The following PLXNA1 variants were observed in gnomAD, a reference collection of about 807,000 sequenced individuals.
PLXNA1 encodes the protein plexin A1.
A neutral mutation model predicts 191.7 loss-of-function variants in PLXNA1; 77 were observed. The ratio of observed to expected loss-of-function variants is 0.40; its 90% CI spans 0.33 to 0.49. The LOEUF (loss-of-function observed/expected upper bound fraction) is 0.49, where lower values mean the gene tolerates loss of function less well. Ranked by LOEUF, PLXNA1 falls within the 20% of genes least tolerant of loss-of-function variation. The pLI, the probability that PLXNA1 is intolerant of heterozygous loss-of-function variation, is 0.63. For synonymous variants in PLXNA1, 1,137 were observed against 1,156.4 expected (o/e 0.98, Z 0.34); for missense variants, 2,110 against 2,660.2 (o/e 0.79, Z 4.55).
intron 7 of PLXNA1, 131 bp from the exon 8 acceptor site, chr3:127,005,948 G>A (rs1366612149): frequency 9.5e-6 from 7 of 735,058 alleles, no homozygotes; most frequent in Non-Finnish European, 1.7e-5. Context: ...GAGGGGGCTG[G>A]ATGCGTGTTT....
chr3:127,022,599 G>C (rs1362041607), intron 22 of PLXNA1, among the ~76,000 whole-genome samples, 153 bp from the exon 23 acceptor site: 1 of 148,918 alleles, frequency 6.7e-6, no homozygotes, highest in Admixed American at 6.6e-5. Flanking sequence ...AGCGCCTGCT[G>C]CCCACTCATG....
chr3:126,988,632 G>C lies in PLXNA1; in HGVS notation c.39G>C (p.Leu13=), dbSNP rs752637160. 2 of 1,575,004 alleles carry C rather than the reference G, an allele frequency of 1.3e-6. No homozygotes were observed. The highest frequency in any genetic ancestry group is 1.7e-6 in the Non-Finnish European group (2 of 1,161,032). ...CGCGGAGCCTGCAGGTGCTCCTGCTGCTGCTGCTGTTGCTGCTGCTGCTGC... is the reference window on the plus strand; with the variant it reads ...CGCGGAGCCTGCAGGTGCTCCTGCTCCTGCTGCTGTTGCTGCTGCTGCTGC... ...LPPRSLQVLL[L]LLLLLLLLPG... Residue 13 remains leucine, a synonymous_variant, in exon 2 of 32, where the codon CTG becomes CTC. Coordinates refer to ENST00000393409, the MANE Select transcript of PLXNA1 (RefSeq NM_032242.4).
In PLXNA1 at chr3:127,007,805, G is replaced by C. The variant is rs1189805490; in HGVS notation, c.2004G>C (p.Leu668=). 6.2e-7 allele frequency: 1 copy of C among 1,611,528 alleles called. No individual in the cohort carries two copies. Among genetic ancestry groups the C allele is most frequent in the South Asian group, 1.1e-5 (1 of 90,746 alleles). Residue 668 remains leucine (L), a synonymous_variant, in exon 9 of 32, where the codon CTG becomes CTC. Transcript: ENST00000393409. ...FYNCSVHQSC[L]SCVNGSFPCH... The stretch of plus-strand genomic sequence containing the variant: ...ACCCACCCTCTCCCTGCAGCTGCCT[G>C]TCCTGTGTCAACGGCTCCTTTCCCT...
chr3:126,998,500 G>T (rs1215040490), intron 3 of PLXNA1, among the ~76,000 whole-genome samples: 1 of 152,218 alleles, frequency 6.6e-6, no homozygotes, highest in Non-Finnish European at 1.5e-5. Flanking sequence ...CCGGAGCCCA[G>T]GCAGTGGTAT....
In PLXNA1 at chr3:127,003,407, C is replaced by T. The variant is rs771842647; in HGVS notation, c.1455C>T (p.Pro485=). The stretch of plus-strand genomic sequence containing the variant: ...GCGTCGTGGCCCAGGAGGGCAGCCC[C>T]ATCCTGCGAGACCTCGTCCTCAGCC... ...YESVVAQEGS[P]ILRDLVLSPN... Residue 485 remains proline (P), a synonymous_variant, in exon 4 of 32, where the codon CCC becomes CCT. Transcript: ENST00000393409. The T allele has an allele frequency of 1.1e-5, 18 of 1,611,928 alleles. No homozygotes were observed. Among genetic ancestry groups the T allele is most frequent in the Non-Finnish European group, 1.5e-5 (18 of 1,179,476 alleles).
chr3:127,034,168 G>A lies in PLXNA1; in HGVS notation c.*151G>A, dbSNP rs901883525. On this transcript the variant is annotated 3_prime_UTR_variant, in exon 32 of 32. Transcript: ENST00000393409. The stretch of plus-strand genomic sequence containing the variant: ...GGCCCTCCCTCCCCTGCCTCACCCG[G>A]TCGGGTCCCGGCTCTTCCTGTGTGG... 94 of 654,538 alleles carry A rather than the reference G, an allele frequency of 1.4e-4. No individual in the cohort carries two copies. In the African/African-American group the frequency reaches 1.5e-3, roughly 10 times the overall value. 40.5% of individuals were successfully genotyped at this position (654,538 alleles called of 1,614,324 possible).
At chr3:127,023,081 GC>G (rs1298208185) in intron 23 of PLXNA1, among the ~76,000 whole-genome samples, 1 of 152,144 alleles carries the variant, frequency 6.6e-6, no homozygotes, top group Non-Finnish European at 1.5e-5. Context: ...GGCTCTCAGT[GC>G]CCACAGCTGG....
intron 8 of PLXNA1, among the ~76,000 whole-genome samples, chr3:127,007,309 C>T (rs1315171509): frequency 6.6e-6 from 1 of 152,220 alleles, no homozygotes; most frequent in African/African-American, 2.4e-5. Context: ...GGGAAACAGA[C>T]AAGCTCCTGC....
chr3:127,004,610 G>C lies in PLXNA1; in HGVS notation c.1519-1G>C. 6.4e-7 allele frequency: 1 copy of C among 1,564,844 alleles called. No homozygotes were observed. The highest frequency in any genetic ancestry group is 8.7e-7 in the Non-Finnish European group (1 of 1,154,386). Reference sequence around the variant, plus strand: ...GGGGCCTGACACCTCCCCCACACCAGGTGACGCGGGTGCCTGTGGAGAGCT... The same window carrying C: ...GGGGCCTGACACCTCCCCCACACCACGTGACGCGGGTGCCTGTGGAGAGCT... On this transcript the variant is annotated splice_acceptor_variant, in intron 4 of 31. Coordinates refer to ENST00000393409, the MANE Select transcript of PLXNA1 (RefSeq NM_032242.4). LOFTEE classifies it high-confidence loss of function.
intron 31 of PLXNA1, 47 bp from the exon 32 acceptor site, chr3:127,033,875 A>G (rs769274432): frequency 1.3e-6 from 2 of 1,510,418 alleles, no homozygotes; most frequent in South Asian, 1.2e-5. Context: ...TGCTGAGTGC[A>G]TGGAGGCTGG....
At chr3:127,006,881 C>T (rs1391527765) in intron 8 of PLXNA1, among the ~76,000 whole-genome samples, 19 of 152,202 alleles carry the variant, frequency 1.2e-4, no homozygotes, top group Admixed American at 1.2e-3. Flanking sequence ...GAGGAGAGCC[C>T]TCACTCCTTC....
In PLXNA1 at chr3:127,014,301, G is replaced by A. The variant is rs199523740; in HGVS notation, c.2530G>A (p.Ala844Thr). 1.7e-4 allele frequency: 276 copies of A among 1,595,588 alleles called. 4 individuals carry two copies. Among genetic ancestry groups the A allele is most frequent in the South Asian group, 1.4e-3 (122 of 89,596 alleles). ...CCGCTGCTCCCTGCGACACCACTGCGCTGCCGACACACCTGCATCGTGGAT... is the reference window on the plus strand; with the variant it reads ...CCGCTGCTCCCTGCGACACCACTGCACTGCCGACACACCTGCATCGTGGAT... Reference protein sequence around the residue: ...ERRCSLRHHCAADTPASWMHA... With the variant: ...ERRCSLRHHCTADTPASWMHA... Residue 844 changes from alanine to threonine, a missense_variant, in exon 12 of 32, where the codon GCT (alanine) becomes ACT (threonine). By Grantham distance (58) the Ala-to-Thr change is moderately conservative. Coordinates refer to ENST00000393409, the MANE Select transcript of PLXNA1 (RefSeq NM_032242.4).
chr3:126,993,832 G>A (rs563362509), intron 3 of PLXNA1, among the ~76,000 whole-genome samples: 4 of 152,310 alleles, frequency 2.6e-5, no homozygotes, highest in East Asian at 1.9e-4. Context: ...AGAACCTGCC[G>A]CCTGTACTCT....
chr3:127,032,056 AGCCAGCAT>A (rs2079214274), intron 29 of PLXNA1: 1 of 337,648 alleles, frequency 3.0e-6, no homozygotes, highest in African/African-American at 2.1e-5. Context: ...CATGAGTGCA[AGCCAGCAT>A]GCAGGCCTAG....
chr3:126,994,417 C>T (rs1212798041), intron 3 of PLXNA1, among the ~76,000 whole-genome samples: 1 of 152,176 alleles, frequency 6.6e-6, no homozygotes, highest in African/African-American at 2.4e-5. Context: ...CCCTTGTTCC[C>T]TAGTTACCGT....
rs773372778 is a variant in PLXNA1, at chr3:127,009,362, G to A, written c.2112+1449G>A. Among the ~76,000 whole-genome samples the A allele has an allele frequency of 8.8e-4, 134 of 152,066 alleles. 1 individual carries two copies. The highest frequency in any genetic ancestry group is 2.4e-3 in the Admixed American group (36 of 15,284). On this transcript the variant is annotated intron_variant, in intron 9 of 31. Transcript: ENST00000393409. ...CTGGAGTAGTGGCCCTAGGCCTCAG[G>A]GTTGGGGAGGCAGAGCAGGCAGGGC...
intron 31 of PLXNA1, 73 bp from the exon 32 acceptor site, chr3:127,033,849 G>T (rs568208421): frequency 1.5e-6 from 2 of 1,294,494 alleles, no homozygotes; most frequent in Non-Finnish European, 1.1e-6. Context: ...TACTCTGGAG[G>T]CATCTGCCCT....
chr3:126,989,772 G>T lies in PLXNA1; in HGVS notation c.1179G>T (p.Leu393=). 1 of 1,606,978 alleles carries T rather than the reference G, an allele frequency of 6.2e-7. No individual in the cohort carries two copies. Residue 393 remains leucine, a synonymous_variant, in exon 2 of 32, where the codon CTG becomes CTT. Transcript: ENST00000393409. ...LSLPWLLNKE[L]GCINSPLQID... ...TGCCGTGGCTGCTCAACAAGGAGCT[G>T]GGCTGCATCAACTCGGTGAGTTGGG...
chr3:127,011,979 T>C lies in PLXNA1; in HGVS notation c.2134T>C (p.Ser712Pro), dbSNP rs1468414142. ...CCAGGACTGCCCACAGATCCTGCCC[T>C]CCACGCAGATCTACGTGCCAGTGGG... ...VSEDCPQILP[S>P]TQIYVPVGVV... Residue 712 changes from serine (S) to proline (P), a missense_variant, in exon 10 of 32, where the codon TCC (serine) becomes CCC (proline). Physicochemically the swap from Ser to Pro is moderately conservative, Grantham distance 74. Coordinates refer to ENST00000393409, the MANE Select transcript of PLXNA1 (RefSeq NM_032242.4). 6.2e-7 allele frequency: 1 copy of C among 1,613,588 alleles called. No homozygotes were observed. Among genetic ancestry groups the C allele is most frequent in the Non-Finnish European group, 8.5e-7 (1 of 1,179,872 alleles).
Sources: allele counts gnomAD v4.1 joint callset (sites outside exome capture counted in the v4.1 genomes callset), GRCh38; gene constraint gnomAD v4.1.1; transcripts MANE v1.5; gene names NCBI Gene and HGNC (gene_info 2026-07-23, HGNC 2026-07-21).